Variants in TSC22D2 observed in about 807,000 individuals in gnomAD.
TSC22D2 encodes the protein TSC22 domain family protein 2.
TSC22D2 carries 5 observed loss-of-function variants against 50.1 expected under a neutral mutation model. That is an observed-to-expected ratio of 0.10 (90% confidence interval 0.05 to 0.21). The LOEUF is 0.21. Ranked by LOEUF, TSC22D2 falls within the 10% of genes least tolerant of loss-of-function variation. TSC22D2 has a pLI of 1.00. For synonymous variants in TSC22D2, 501 were observed against 450.1 expected (o/e 1.11, Z -1.43); for missense variants, 1,003 against 1,015.5 (o/e 0.99, Z 0.17).
In TSC22D2 at chr3:150,411,071, A is replaced by C; in HGVS notation, c.1721A>C (p.Gln574Pro). The C allele has an allele frequency of 6.2e-7, 1 of 1,614,218 alleles. No individual in the cohort carries two copies. Among genetic ancestry groups the C allele is most frequent in the Non-Finnish European group, 8.5e-7 (1 of 1,180,046 alleles). The change falls in exon 1 of 3, where the codon CAG (glutamine) becomes CCG (proline). Residue 574 changes from glutamine (Q) to proline (P), a missense_variant. By Grantham distance (76) the Gln-to-Pro change is moderately conservative. Coordinates refer to ENST00000688009, the MANE Select transcript of TSC22D2 (RefSeq NM_001303264.2). ...CACAGCGCACCAACAAGTCTACCAC[A>C]GTCTGACCTAAGCCAGTTTCAAACT... ...GTHSAPTSLP[Q>P]SDLSQFQTQT...
intron 1 of TSC22D2, chr3:150,423,361 A>G: frequency 3.8e-6 from 1 of 263,516 alleles, no homozygotes; most frequent in Admixed American, 5.3e-5. Context: ...AAGGGTTCAT[A>G]CTGTGTTGAA....
intron 1 of TSC22D2, among the ~76,000 whole-genome samples, chr3:150,456,546 A>C (rs1721196773): frequency 6.6e-6 from 1 of 152,048 alleles, no homozygotes. Flanking sequence ...CATTTTTAGA[A>C]GCCATTAAGT....
intron 1 of TSC22D2, among the ~76,000 whole-genome samples, chr3:150,420,770 A>G (rs1719977563): frequency 6.6e-6 from 1 of 152,220 alleles, no homozygotes; most frequent in African/African-American, 2.4e-5. Flanking sequence ...TGTATTTCCA[A>G]AGTCAGAGGA....
chr3:150,420,000 G>A (rs1719953384), intron 1 of TSC22D2, among the ~76,000 whole-genome samples: 2 of 152,152 alleles, frequency 1.3e-5, no homozygotes, highest in South Asian at 4.1e-4. Flanking sequence ...TGTGACCACA[G>A]CTGCATAAAA....
Position 150,439,873 on chromosome 3 carries a change from A to T in TSC22D2, c.1959-17203A>T, listed in dbSNP as rs567953010. On this transcript the variant is annotated intron_variant, in intron 1 of 2. Transcript: ENST00000688009. Reference sequence around the variant, plus strand: ...CTGGGTTACTATAAATGCCCATTAGACTGATGGGACAAATCAGAGCCAAGC... The same window carrying T: ...CTGGGTTACTATAAATGCCCATTAGTCTGATGGGACAAATCAGAGCCAAGC... Among the ~76,000 whole-genome samples the T allele has an allele frequency of 2.6e-4, 39 of 152,270 alleles. No homozygotes were observed. The South Asian group carries it at 7.9e-3, about 31-fold the overall frequency.
At chr3:150,437,786 C>T (rs1240883976) in intron 1 of TSC22D2, among the ~76,000 whole-genome samples, 9 of 151,820 alleles carry the variant, frequency 5.9e-5, no homozygotes, top group African/African-American at 1.5e-4. Context: ...CCAGCCTGGG[C>T]GGCAGAGCGG....
intron 1 of TSC22D2, among the ~76,000 whole-genome samples, chr3:150,427,649 TTTA>T (rs1720236999): frequency 1.3e-5 from 2 of 152,134 alleles, no homozygotes; most frequent in African/African-American, 4.8e-5. Context: ...ACTTACATAA[TTTA>T]TTATCTGATT....
intron 1 of TSC22D2, chr3:150,438,298 A>G: frequency 2.6e-6 from 1 of 388,074 alleles, no homozygotes; most frequent in Non-Finnish European, 5.5e-6. Flanking sequence ...TTGGAGGGTT[A>G]TTCTAGCTTC....
chr3:150,428,066 A>T (rs1360761047), intron 1 of TSC22D2, among the ~76,000 whole-genome samples: 1 of 152,036 alleles, frequency 6.6e-6, no homozygotes, highest in Non-Finnish European at 1.5e-5. Flanking sequence ...CTGTTCCAGG[A>T]TCCAATTCAG....
chr3:150,434,460 G>A (rs1720474446), intron 1 of TSC22D2, among the ~76,000 whole-genome samples: 1 of 152,122 alleles, frequency 6.6e-6, no homozygotes, highest in South Asian at 2.1e-4. Flanking sequence ...TCAGCTTTCT[G>A]TTAACAAAGC....
At position 150,412,914 on chromosome 3, in the gene TSC22D2, C is replaced by T. The variant is rs374785478; in HGVS notation, c.1958+1606C>T. Among the ~76,000 whole-genome samples, 14 of 152,270 alleles carry T rather than the reference C, an allele frequency of 9.2e-5. No individual in the cohort carries two copies. In the East Asian group the frequency reaches 2.1e-3, roughly 23 times the overall value. On this transcript the variant is annotated intron_variant, in intron 1 of 2. Transcript: ENST00000688009. Reference sequence around the variant, plus strand: ...TTTTTCCTGATAAGTTGGCAAATAACCTTTTGCTTTCCTCTGTTCCTGTAT... The same window carrying T: ...TTTTTCCTGATAAGTTGGCAAATAATCTTTTGCTTTCCTCTGTTCCTGTAT...
At chr3:150,427,356 C>T (rs920113060) in intron 1 of TSC22D2, among the ~76,000 whole-genome samples, 1 of 152,062 alleles carries the variant, frequency 6.6e-6, no homozygotes, top group African/African-American at 2.4e-5. Context: ...ACTTCCCCTC[C>T]CAATCCTAAT....
Position 150,414,950 on chromosome 3 carries a change from CAT to C in TSC22D2, c.1958+3644_1958+3645del, listed in dbSNP as rs1719745553. Among the ~76,000 whole-genome samples the C allele has an allele frequency of 3.9e-4, 58 of 148,982 alleles. 1 individual carries two copies. The Admixed American group carries it at 3.9e-3, about 10-fold the overall frequency. On this transcript the variant is annotated intron_variant, in intron 1 of 2. Coordinates refer to ENST00000688009, the MANE Select transcript of TSC22D2 (RefSeq NM_001303264.2). ...AGGTTTACAGTTGATGTCTGAATCA[CAT>C]ACTAGATACTATCCTATGCCTATCT...
rs138699932 is a variant in TSC22D2 at position 150,422,936 on chromosome 3, T to A, written c.1958+11628T>A. 2.0e-4 allele frequency: 140 copies of A among 684,242 alleles called. No individual in the cohort carries two copies. In the African/African-American group the frequency reaches 2.3e-3, roughly 11 times the overall value. 42.4% of individuals were successfully genotyped at this position (684,242 alleles called of 1,614,324 possible). ...CTTATGTGGTTTTAAAATCTTTTTA[T>A]TATTAAAAGTTACACTGTATTAGAA... On this transcript the variant is annotated intron_variant, in intron 1 of 2. Coordinates refer to ENST00000688009, the MANE Select transcript of TSC22D2 (RefSeq NM_001303264.2).
At chr3:150,428,317 G>T (rs923924952) in intron 1 of TSC22D2, among the ~76,000 whole-genome samples, 1 of 152,066 alleles carries the variant, frequency 6.6e-6, no homozygotes, top group Non-Finnish European at 1.5e-5. Context: ...GTTCTTAAGT[G>T]GGGGATGGGG....
chr3:150,451,981 T>G lies in TSC22D2; in HGVS notation c.1959-5095T>G, dbSNP rs2108101512. ...CAAGCAGTCTTCCCACACAGCCTCC[T>G]GAGTAACTAGGACCGTGGGCTTGCT... On this transcript the variant is annotated intron_variant, in intron 1 of 2. Transcript: ENST00000688009. 1.3e-5 allele frequency among the ~76,000 whole-genome samples: 2 copies of G among 152,288 alleles called. 1 individual carries two copies. The highest frequency in any genetic ancestry group is 6.8e-3 in the Middle Eastern group (2 of 294).
At position 150,451,738 on chromosome 3, in the gene TSC22D2, T is replaced by TA. The variant is rs1296937422; in HGVS notation, c.1959-5336dup. ...GCTCAGGCTTATTGTAAGGACTCAT[T>TA]AAGATAAAGGTGTGCCTGCCCTAAA... On this transcript the variant is annotated intron_variant, in intron 1 of 2. Transcript: ENST00000688009. Among the ~76,000 whole-genome samples, 6 of 152,324 alleles carry TA rather than the reference T, an allele frequency of 3.9e-5. No homozygotes were observed. The East Asian group carries it at 1.2e-3, about 29-fold the overall frequency.
chr3:150,416,055 C>T (rs1049357826), intron 1 of TSC22D2, among the ~76,000 whole-genome samples: 4 of 152,096 alleles, frequency 2.6e-5, no homozygotes, highest in Non-Finnish European at 4.4e-5. Flanking sequence ...ATCTGACCTT[C>T]CTTTCCTAAA....
intron 1 of TSC22D2, among the ~76,000 whole-genome samples, chr3:150,418,211 C>T (rs1426358559): frequency 6.6e-6 from 1 of 151,838 alleles, no homozygotes; most frequent in African/African-American, 2.4e-5. Flanking sequence ...GAGTAGTGAG[C>T]ACTGGAATAC....
Sources: allele counts gnomAD v4.1 joint callset (sites outside exome capture counted in the v4.1 genomes callset), GRCh38; gene constraint gnomAD v4.1.1; transcripts MANE v1.5; gene names NCBI Gene and HGNC (gene_info 2026-07-23, HGNC 2026-07-21).